RNF111: variants seen among roughly 807,000 people sequenced by gnomAD.
RNF111 encodes E3 ubiquitin-protein ligase Arkadia.
RNF111 carries 17 observed loss-of-function variants against 95.1 expected under a neutral mutation model. The observed-to-expected ratio is 0.18, with a 90% CI of 0.12 to 0.27. The LOEUF is 0.27. Ranked by LOEUF, RNF111 falls within the 10% of genes least tolerant of loss-of-function variation. RNF111 has a pLI of 1.00. For synonymous variants in RNF111, 440 were observed against 414.8 expected, an observed-to-expected ratio of 1.06 and a Z score of -0.74; for missense variants, 1,189 against 1,210.4, an observed-to-expected ratio of 0.98 and a Z score of 0.26.
rs551548506 is a variant in RNF111 at position 59,080,832 on chromosome 15, A to C, written c.1949-104A>C. 23 of 916,354 alleles carry C rather than the reference A, an allele frequency of 2.5e-5. 1 individual carries two copies. The South Asian group carries it at 3.4e-4, about 14-fold the overall frequency. 56.8% of individuals were successfully genotyped at this position (916,354 alleles called of 1,614,324 possible). On this transcript the variant is annotated intron_variant, in intron 7 of 13. Transcript: ENST00000348370. Reference sequence around the variant, plus strand: ...CTTTACTTGATAAAGTATTCATAAAAATAAAATACTAATATGTTTAAAAGT... The same window carrying C: ...CTTTACTTGATAAAGTATTCATAAACATAAAATACTAATATGTTTAAAAGT...
intron 1 of RNF111, among the ~76,000 whole-genome samples, chr15:59,028,325 C>T (rs532254600): frequency 3.4e-4 from 51 of 152,064 alleles, no homozygotes; most frequent in South Asian, 2.1e-3. Context: ...GTCTGCGCCC[C>T]TGTCCAAGGG....
In RNF111 at chr15:59,066,260, C is replaced by G. The variant is rs1349631651; in HGVS notation, c.1367-504C>G. Among the ~76,000 whole-genome samples the G allele has an allele frequency of 2.0e-5, 3 of 152,184 alleles. No individual in the cohort carries two copies. The East Asian group carries it at 5.8e-4, about 29-fold the overall frequency. ...GAGCCTCCTGAAGAATTTAGAGTTT[C>G]AGGAAAATCCCAGTGAAGACCACTG... On this transcript the variant is annotated intron_variant, in intron 5 of 13. Coordinates refer to ENST00000348370, the MANE Select transcript of RNF111 (RefSeq NM_017610.8).
intron 5 of RNF111, among the ~76,000 whole-genome samples, chr15:59,065,992 C>G (rs2042639383): frequency 2.0e-5 from 3 of 152,030 alleles, no homozygotes; most frequent in Admixed American, 6.5e-5. Flanking sequence ...CAGATACACT[C>G]TGACTTGGCT....
chr15:59,093,345 T>G (rs2140258929), intron 13 of RNF111: 1 of 381,776 alleles, frequency 2.6e-6, no homozygotes, highest in South Asian at 1.9e-5. Context: ...ATCTTTTTTT[T>G]TTTTTTTTTT....
intron 2 of RNF111, among the ~76,000 whole-genome samples, chr15:59,040,646 T>A (rs2141857308): frequency 6.6e-6 from 1 of 152,336 alleles, no homozygotes; most frequent in East Asian, 1.9e-4. Context: ...ATGCCATAAA[T>A]ACGTACACAT....
At chr15:59,050,821 CA>C (rs2041945162) in intron 2 of RNF111, among the ~76,000 whole-genome samples, 1 of 152,088 alleles carries the variant, frequency 6.6e-6, no homozygotes, top group Non-Finnish European at 1.5e-5. Flanking sequence ...TTTAAACATA[CA>C]ATACGTTATT....
At chr15:58,998,957 G>A (rs1276869692) in intron 1 of RNF111, among the ~76,000 whole-genome samples, 2 of 152,082 alleles carry the variant, frequency 1.3e-5, no homozygotes, top group African/African-American at 4.8e-5. Flanking sequence ...GTGCAGTATC[G>A]AGCAGTTGTT....
intron 8 of RNF111, among the ~76,000 whole-genome samples, 160 bp downstream of exon 8, chr15:59,081,444 A>G (rs966050409): frequency 1.3e-5 from 2 of 152,112 alleles, no homozygotes; most frequent in Non-Finnish European, 2.9e-5. Context: ...CAGGAGTTTG[A>G]GTCCATCTGG....
chr15:59,008,084 C>T (rs1567206433), intron 1 of RNF111, among the ~76,000 whole-genome samples: 5 of 152,144 alleles, frequency 3.3e-5, no homozygotes, highest in Admixed American at 3.3e-4. Context: ...ATGATATAAT[C>T]ACATAAACTT....
At chr15:59,034,554 G>A (rs1448533107) in intron 2 of RNF111, among the ~76,000 whole-genome samples, 1 of 152,150 alleles carries the variant, frequency 6.6e-6, no homozygotes, top group Non-Finnish European at 1.5e-5. Context: ...TACAGATGAA[G>A]CATTTGGAAA....
intron 2 of RNF111, among the ~76,000 whole-genome samples, chr15:59,041,961 ATTTTTTTT>A: frequency 1.0e-5 from 1 of 100,106 alleles, no homozygotes; most frequent in South Asian, 3.0e-4. Flanking sequence ...GTCTGTTCAT[ATTTTTTTT>A]TTTTTTTTTT....
At chr15:59,026,750 T>A (rs530456619) in intron 1 of RNF111, among the ~76,000 whole-genome samples, 1 of 152,118 alleles carries the variant, frequency 6.6e-6, no homozygotes, top group South Asian at 2.1e-4. Context: ...CATGATACAA[T>A]ACAGCGATGG....
intron 2 of RNF111, among the ~76,000 whole-genome samples, 189 bp downstream of exon 2, chr15:59,031,891 A>T (rs1264490580): frequency 6.6e-6 from 1 of 152,202 alleles, no homozygotes; most frequent in Non-Finnish European, 1.5e-5. Flanking sequence ...AATTTAAAAA[A>T]TTTCTAGTGA....
In RNF111 at chr15:59,093,337, C is replaced by A. The variant is rs976401672; in HGVS notation, c.2843+697C>A. The A allele has an allele frequency of 3.6e-3, 970 of 272,778 alleles. 3 individuals carry two copies. The highest frequency in any genetic ancestry group is 5.1e-3 in the Non-Finnish European group (762 of 150,738). The allele number at this position is 272,778 out of a possible 1,614,324, so 16.9% of individuals were successfully genotyped here. A position where few individuals can be genotyped will look rare whatever the true frequency, so the allele number is the denominator to read the frequency against. On this transcript the variant is annotated intron_variant, in intron 13 of 13. Coordinates refer to ENST00000348370, the MANE Select transcript of RNF111 (RefSeq NM_017610.8). Reference sequence around the variant, plus strand: ...TCCTATGCAGTCTGTTTTACAGCATCTTTTTTTTTTTTTTTTTTTTTTTTC... The same window carrying A: ...TCCTATGCAGTCTGTTTTACAGCATATTTTTTTTTTTTTTTTTTTTTTTTC...
intron 1 of RNF111, among the ~76,000 whole-genome samples, chr15:59,011,393 A>G (rs1234877575): frequency 6.6e-6 from 1 of 152,188 alleles, no homozygotes; most frequent in Non-Finnish European, 1.5e-5. Context: ...TCTTGTGTTT[A>G]CAATACTTGG....
intron 1 of RNF111, among the ~76,000 whole-genome samples, chr15:58,991,295 A>C (rs1451233958): frequency 1.3e-5 from 2 of 152,164 alleles, no homozygotes; most frequent in African/African-American, 4.8e-5. Flanking sequence ...ATCTTGAAAA[A>C]AAACAAAACA....
In RNF111 at chr15:59,049,933, A is replaced by G. The variant is rs1254580774; in HGVS notation, c.881-2372A>G. Among the ~76,000 whole-genome samples the G allele has an allele frequency of 1.6e-4, 24 of 148,830 alleles. 1 individual carries two copies. Among genetic ancestry groups the G allele is most frequent in the Admixed American group, 1.2e-3 (18 of 14,902 alleles). On this transcript the variant is annotated intron_variant, in intron 2 of 13. Transcript: ENST00000348370. Reference sequence around the variant, plus strand: ...ATTTTTGTGTTTTTAGTAGAGATGGAGTTTTACCATGTTGGTCAGGCTGGT... The same window carrying G: ...ATTTTTGTGTTTTTAGTAGAGATGGGGTTTTACCATGTTGGTCAGGCTGGT...
chr15:59,049,745 C>CTTTTTTTTTTTTTTTTTTTTTTT (rs368049097), intron 2 of RNF111: 1 of 104,622 alleles, frequency 9.6e-6, no homozygotes, highest in African/African-American at 3.8e-5. Context: ...TTCTTTCTTT[C>CTTTTTTTTTTTTTTTTTTTTTTT]TTTTTTTTTT....
chr15:59,010,790 A>G (rs2039764570), intron 1 of RNF111, among the ~76,000 whole-genome samples: 1 of 152,190 alleles, frequency 6.6e-6, no homozygotes, highest in East Asian at 1.9e-4. Flanking sequence ...GGGTTGCCTG[A>G]TGAGAGATGT....
Sources: gnomAD v4.1 joint callset for allele counts (sites outside exome capture counted in the v4.1 genomes callset) on GRCh38, gnomAD v4.1.1 for gene constraint, MANE v1.5 for transcripts, NCBI Gene and HGNC (gene_info 2026-07-23, HGNC 2026-07-21) for gene names.